DLG5: variants seen among roughly 807,000 people sequenced by gnomAD.
The protein encoded by DLG5 is discs large MAGUK scaffold protein 5.
Under a neutral mutation model 189.8 loss-of-function variants are expected in DLG5, and 48 were observed. The observed-to-expected ratio is 0.25, with a 90% confidence interval of 0.20 to 0.32. The LOEUF is 0.32. DLG5 is among the 10% of genes least tolerant of loss of function. The pLI, the probability that DLG5 is intolerant of heterozygous loss-of-function variation, is 1.00. For synonymous variants in DLG5, 1,016 were observed against 1,054.1 expected (o/e 0.96, Z 0.70); for missense variants, 2,160 against 2,544.7 (o/e 0.85, Z 3.25).
intron 5 of DLG5, among the ~76,000 whole-genome samples, chr10:77,849,520 G>A (rs1219933055): frequency 1.3e-5 from 2 of 152,254 alleles, no homozygotes; most frequent in African/African-American, 4.8e-5. Flanking sequence ...GCTCCCTGTG[G>A]CAGCCAGGCC....
chr10:77,837,185 A>G (rs551129205), intron 7 of DLG5, among the ~76,000 whole-genome samples: 3 of 132,032 alleles, frequency 2.3e-5, no homozygotes, highest in South Asian at 2.5e-4. Flanking sequence ...ACTGCACTCC[A>G]GCCTGGACAA....
chr10:77,816,802 C>T, intron 19 of DLG5, 101 bp from the exon 20 acceptor site: 4 of 1,480,056 alleles, frequency 2.7e-6, no homozygotes, highest in East Asian at 4.7e-5. Flanking sequence ...GCTCTATCCC[C>T]ACTGCATCGC....
intron 1 of DLG5, among the ~76,000 whole-genome samples, chr10:77,875,555 G>A (rs1350649051): frequency 2.6e-5 from 4 of 152,120 alleles, no homozygotes; most frequent in Non-Finnish European, 5.9e-5. Flanking sequence ...ACCCATGCCT[G>A]TGCTGCCTGC....
At chr10:77,804,773 G>A (rs1841387777) in intron 27 of DLG5, among the ~76,000 whole-genome samples, 1 of 152,178 alleles carries the variant, frequency 6.6e-6, no homozygotes, top group South Asian at 2.1e-4. Flanking sequence ...CAGGACTGAG[G>A]CCAGAAATGC....
At chr10:77,810,220 A>G (rs577670846) in intron 23 of DLG5, among the ~76,000 whole-genome samples, 6 of 152,364 alleles carry the variant, frequency 3.9e-5, no homozygotes, top group African/African-American at 1.4e-4. Context: ...AAGGAAGGGA[A>G]GCTGAAAGTA....
At chr10:77,808,791 A>G (rs1245042806) in intron 24 of DLG5, among the ~76,000 whole-genome samples, 2 of 152,190 alleles carry the variant, frequency 1.3e-5, no homozygotes, top group Admixed American at 1.3e-4. Context: ...TTCTGGGTTT[A>G]CAGGGATTAA....
In DLG5 at chr10:77,842,179, T is replaced by C; in HGVS notation, c.1139A>G (p.His380Arg). Reference protein sequence around the residue: ...ALSLRRFEAIHHELNKATAQN... With the variant: ...ALSLRRFEAIRHELNKATAQN... ...CGCCGTGGCCTTGTTCAGCTCATGG[T>C]GGATCGCCTCAAACCTGGCAAGAGA... The change falls in exon 7 of 32, where the codon CAC becomes CGC. Residue 380 changes from histidine (H) to arginine (R), a missense_variant. This residue lies in a region of DLG5 where 664 missense variants were observed against 838.5 expected (regional missense o/e 0.79). Coordinates refer to ENST00000372391, the MANE Select transcript of DLG5 (RefSeq NM_004747.4). 1 of 1,603,250 alleles carries C rather than the reference T, an allele frequency of 6.2e-7. No individual in the cohort carries two copies. The highest frequency in any genetic ancestry group is 8.5e-7 in the Non-Finnish European group (1 of 1,179,512).
intron 1 of DLG5, among the ~76,000 whole-genome samples, chr10:77,895,139 G>C (rs1171809454): frequency 6.6e-6 from 1 of 152,164 alleles, no homozygotes; most frequent in Non-Finnish European, 1.5e-5. Flanking sequence ...TGCTTCCCAT[G>C]GGAGGCTCAC....
At chr10:77,889,014 TCACAAGCCCACAGG>T (rs1845528092) in intron 1 of DLG5, among the ~76,000 whole-genome samples, 1 of 149,996 alleles carries the variant, frequency 6.7e-6, no homozygotes, top group Non-Finnish European at 1.5e-5. Context: ...CTCCCAGGCC[TCACAAGCCCACAGG>T]TAACCTCCCA....
chr10:77,795,403 AC>A, intron 29 of DLG5, among the ~76,000 whole-genome samples: 1 of 152,030 alleles, frequency 6.6e-6, no homozygotes, highest in South Asian at 2.1e-4. Flanking sequence ...TGCACTCCCG[AC>A]CCCCAGATGC....
At position 77,809,679 on chromosome 10, in the gene DLG5, G is replaced by C; in HGVS notation, c.4515C>G (p.Ile1505Met). 2.2e-5 allele frequency: 35 copies of C among 1,614,138 alleles called. No individual in the cohort carries two copies. The highest frequency in any genetic ancestry group is 2.9e-5 in the Non-Finnish European group (34 of 1,180,018). The change falls in exon 24 of 32, where the codon ATC (isoleucine) becomes ATG (methionine). Residue 1505 changes from isoleucine to methionine, a missense_variant. Physicochemically the swap from Ile to Met is conservative, Grantham distance 10. This residue lies in a region of DLG5 where 574 missense variants were observed against 644.2 expected (regional missense o/e 0.89). Transcript: ENST00000372391. ...CCCCAAGCTCCAGCTGGGACTTTTT[G>C]ATGAAGACAACGCGTGGCTCCAGGG... The part of the protein sequence containing the change: ...KKTLEPRVVF[I>M]KKSQLELGVH...
chr10:77,815,155 G>T (rs529403278), intron 20 of DLG5, among the ~76,000 whole-genome samples: 1 of 152,262 alleles, frequency 6.6e-6, no homozygotes, highest in East Asian at 1.9e-4. Flanking sequence ...CTTGGGGAAG[G>T]TCCCGTCCTC....
At position 77,842,004 on chromosome 10, in the gene DLG5, C is replaced by T. The variant is rs774731884; in HGVS notation, c.1314G>A (p.Glu438=). Residue 438 remains glutamate, a synonymous_variant, in exon 7 of 32, where the codon GAG becomes GAA. Transcript: ENST00000372391. ...VYSEYKLIMS[E]RDQVISELDK... ...CCAGCTCAGAGATGACCTGGTCACG[C>T]TCACTCATGATGAGCTTGTACTCGC... 1 of 1,614,238 alleles carries T rather than the reference C, an allele frequency of 6.2e-7. No homozygotes were observed. Among genetic ancestry groups the T allele is most frequent in the Admixed American group, 1.7e-5 (1 of 60,030 alleles).
chr10:77,821,647 G>C lies in DLG5; in HGVS notation c.2837C>G (p.Thr946Ser). The C allele has an allele frequency of 1.2e-6, 2 of 1,611,252 alleles. No individual in the cohort carries two copies. Among genetic ancestry groups the C allele is most frequent in the Non-Finnish European group, 1.7e-6 (2 of 1,179,452 alleles). Reference sequence around the variant, plus strand: ...GGAGCTGAGCATGGCCTTGGGCCAGGTCCCGCCGCTGTTGGAGCCTTCAGA... The same window carrying C: ...GGAGCTGAGCATGGCCTTGGGCCAGCTCCCGCCGCTGTTGGAGCCTTCAGA... ...ADSEGSNSGG[T>S]WPKAMLSSTA... Residue 946 changes from threonine to serine, a missense_variant, in exon 15 of 32, where the codon ACC becomes AGC. This residue lies in a region of DLG5 where 754 missense variants were observed against 746.5 expected (regional missense o/e 1.01). Transcript: ENST00000372391.
At position 77,829,433 on chromosome 10, in the gene DLG5, T is replaced by C; in HGVS notation, c.2107A>G (p.Asn703Asp). ...KALLNGEGAINMVVRRRKSLG... is the reference protein window; with the variant it reads ...KALLNGEGAIDMVVRRRKSLG... ...GACTTCCTCCGCCGCACGACCATGT[T>C]GATGGCCCCCTCCCCATTGAGGAGC... Residue 703 changes from asparagine to aspartate, a missense_variant, in exon 12 of 32, where the codon AAC (asparagine) becomes GAC (aspartate). By Grantham distance (23) the Asn-to-Asp change is conservative (BLOSUM62 1). Around this residue, in one of 5 missense-constraint regions of DLG5, gnomAD observed 107 missense variants for 214.5 expected, o/e 0.50. Coordinates refer to ENST00000372391, the MANE Select transcript of DLG5 (RefSeq NM_004747.4). The C allele has an allele frequency of 6.2e-7, 1 of 1,614,254 alleles. No homozygotes were observed. The highest frequency in any genetic ancestry group is 8.5e-7 in the Non-Finnish European group (1 of 1,180,042).
intron 3 of DLG5, among the ~76,000 whole-genome samples, 179 bp from the exon 4 acceptor site, chr10:77,854,549 G>A (rs963998752): frequency 6.6e-6 from 1 of 152,198 alleles, no homozygotes; most frequent in Non-Finnish European, 1.5e-5. Context: ...CACAGAATCA[G>A]AATCCCTAGG....
rs559770628 is a variant in DLG5 at position 77,861,339 on chromosome 10, C to T, written c.374-4447G>A. On this transcript the variant is annotated intron_variant, in intron 2 of 31. Coordinates refer to ENST00000372391, the MANE Select transcript of DLG5 (RefSeq NM_004747.4). Reference sequence around the variant, plus strand: ...AAACATCAAATGTCCAGTTTCACAACAGAAAAGCACCACCAGGCCCAGTAA... The same window carrying T: ...AAACATCAAATGTCCAGTTTCACAATAGAAAAGCACCACCAGGCCCAGTAA... 2.0e-5 allele frequency among the ~76,000 whole-genome samples: 3 copies of T among 152,356 alleles called. No homozygotes were observed. The South Asian group carries it at 6.2e-4, about 32-fold the overall frequency.
chr10:77,861,194 C>G (rs948271819), intron 2 of DLG5, among the ~76,000 whole-genome samples: 1 of 152,182 alleles, frequency 6.6e-6, no homozygotes, highest in African/African-American at 2.4e-5. Context: ...CCAGTGACAT[C>G]CTAGTATCAT....
intron 15 of DLG5, 83 bp downstream of exon 15, chr10:77,820,999 G>A: frequency 6.7e-7 from 1 of 1,503,472 alleles, no homozygotes; most frequent in Non-Finnish European, 8.9e-7. Context: ...TGGGACACTG[G>A]TGCAGGGCCA....
Sources: gnomAD v4.1 joint callset for allele counts (sites outside exome capture counted in the v4.1 genomes callset) on GRCh38, gnomAD v4.1.1 for gene constraint, gnomAD v4.1.1 regional missense constraint, MANE v1.5 for transcripts, NCBI Gene and HGNC (gene_info 2026-07-23, HGNC 2026-07-21) for gene names.